The following TFCP2L1 variants were observed in gnomAD, a reference collection of about 807,000 sequenced individuals.
TFCP2L1 encodes transcription factor CP2-like protein 1.
A neutral mutation model predicts 72.2 loss-of-function variants in TFCP2L1; 12 were observed. The ratio of observed to expected loss-of-function variants is 0.17; its 90% CI spans 0.11 to 0.27. The LOEUF is 0.27. Ranked by LOEUF, TFCP2L1 falls within the 10% of genes least tolerant of loss-of-function variation. TFCP2L1 has a pLI of 1.00. For missense variants in TFCP2L1, 488 were observed against 624.6 expected (o/e 0.78, Z 2.33); for synonymous variants, 260 against 251.0 (o/e 1.04, Z -0.34).
At chr2:121,254,466 T>A (rs1686675122) in intron 2 of TFCP2L1, among the ~76,000 whole-genome samples, 1 of 152,170 alleles carries the variant, frequency 6.6e-6, no homozygotes, top group Admixed American at 6.5e-5. Context: ...AGGATTTCTG[T>A]AATTCAGGGG....
At chr2:121,252,641 C>T (rs1240931540) in intron 2 of TFCP2L1, among the ~76,000 whole-genome samples, 1 of 152,068 alleles carries the variant, frequency 6.6e-6, no homozygotes, top group African/African-American at 2.4e-5. Flanking sequence ...GACAGGGTCA[C>T]GAGTCAAGGA....
intron 1 of TFCP2L1, 27 bp from the exon 2 acceptor site, chr2:121,281,298 G>A (rs768887937): frequency 1.3e-6 from 2 of 1,568,696 alleles, no homozygotes; most frequent in African/African-American, 1.4e-5. Context: ...GCAGAGGTCA[G>A]GAGCAGAGCC....
At chr2:121,249,429 G>T in intron 3 of TFCP2L1, 142 bp downstream of exon 3, 1 of 717,566 alleles carries the variant, frequency 1.4e-6, no homozygotes, top group Non-Finnish European at 2.3e-6. Flanking sequence ...AACAGGGGCT[G>T]CGTCTCACCG....
intron 4 of TFCP2L1, 82 bp downstream of exon 4, chr2:121,248,900 G>C (rs1003853037): frequency 2.2e-5 from 25 of 1,147,036 alleles, no homozygotes; most frequent in Admixed American, 5.6e-5. Flanking sequence ...TCTCGGCATA[G>C]GTCCGGGTGG....
chr2:121,240,740 A>G, intron 7 of TFCP2L1: 1 of 985,422 alleles, frequency 1.0e-6, no homozygotes, highest in South Asian at 4.7e-5. Flanking sequence ...GGGCAGTGGC[A>G]CCAGCACAGG....
chr2:121,259,324 A>C (rs1055717164), intron 2 of TFCP2L1, among the ~76,000 whole-genome samples: 1 of 152,208 alleles, frequency 6.6e-6, no homozygotes, highest in Non-Finnish European at 1.5e-5. Context: ...CTAACTCTCA[A>C]AATATTCAGC....
At chr2:121,279,131 C>G (rs1687206118) in intron 2 of TFCP2L1, among the ~76,000 whole-genome samples, 1 of 152,124 alleles carries the variant, frequency 6.6e-6, no homozygotes, top group African/African-American at 2.4e-5. Flanking sequence ...GACCTCAGAC[C>G]TTGGACCCAC....
At chr2:121,225,490 G>T in intron 14 of TFCP2L1, 72 bp downstream of exon 14, 1 of 1,432,440 alleles carries the variant, frequency 7.0e-7, no homozygotes, top group Non-Finnish European at 9.8e-7. Context: ...CTCTGGAAGG[G>T]CCCATCCTGC....
rs118082206 is a variant in TFCP2L1 at position 121,280,547 on chromosome 2, C to T, written c.214+573G>A. 4.3e-3 allele frequency among the ~76,000 whole-genome samples: 652 copies of T among 152,190 alleles called. 10 individuals carry two copies. Among genetic ancestry groups the T allele is most frequent in the South Asian group, 0.035 (171 of 4,820 alleles). ...CGCAGGCAGGTGGATCACTTGAGCC[C>T]AGGAGTTTGAGACCAGCCTGGGCAA... On this transcript the variant is annotated intron_variant, in intron 2 of 14. Transcript: ENST00000263707.
In TFCP2L1 at chr2:121,285,079, A is replaced by G; in HGVS notation, c.31T>C (p.Tyr11His). The change falls in exon 1 of 15, where the codon TAC (tyrosine) becomes CAC (histidine). Residue 11 changes from tyrosine to histidine, a missense_variant. Physicochemically the swap from Tyr to His is moderately conservative, Grantham distance 83 (BLOSUM62 2). Around this residue, in one of 3 missense-constraint regions of TFCP2L1, gnomAD observed 73 missense variants for 59.7 expected, o/e 1.22. Coordinates refer to ENST00000263707, the MANE Select transcript of TFCP2L1 (RefSeq NM_014553.3). The part of the protein sequence containing the change: MLFWHTQPEH[Y>H]NQHNSGSYLR... ...TAGCTGCCGGAGTTGTGCTGGTTGT[A>G]GTGCTCGGGCTGCGTGTGCCAGAAG... 1 of 1,525,838 alleles carries G rather than the reference A, an allele frequency of 6.6e-7. No individual in the cohort carries two copies. Among genetic ancestry groups the G allele is most frequent in the East Asian group, 2.8e-5 (1 of 36,072 alleles). The allele number at this position is 1,525,838 out of a possible 1,614,324, so 94.5% of individuals were successfully genotyped here.
In TFCP2L1 at chr2:121,223,468, G is replaced by C. The variant is rs1247100520; in HGVS notation, c.*873C>G. 3 of 152,146 alleles carry C rather than the reference G, an allele frequency of 2.0e-5. No individual in the cohort carries two copies. The highest frequency in any genetic ancestry group is 7.2e-5 in the African/African-American group (3 of 41,410). The allele number at this position is 152,146 out of a possible 1,614,324, so 9.4% of individuals were successfully genotyped here. On this transcript the variant is annotated 3_prime_UTR_variant, in exon 15 of 15. Transcript: ENST00000263707. ...ACTTTCTATAAGTCCATCCAAGAGGGCCTGGTATTGTGGTGGTCAAGGTCA... is the reference window on the plus strand; with the variant it reads ...ACTTTCTATAAGTCCATCCAAGAGGCCCTGGTATTGTGGTGGTCAAGGTCA...
At chr2:121,227,785 T>C (rs952299763) in intron 13 of TFCP2L1, among the ~76,000 whole-genome samples, 14 of 150,896 alleles carry the variant, frequency 9.3e-5, no homozygotes, top group East Asian at 3.9e-4. Context: ...CCTTTTCAAA[T>C]TGAAAAAATG....
intron 2 of TFCP2L1, among the ~76,000 whole-genome samples, chr2:121,257,653 T>C (rs1183066522): frequency 1.3e-5 from 2 of 152,226 alleles, no homozygotes; most frequent in East Asian, 1.9e-4. Flanking sequence ...AAGGGCTGCA[T>C]AGCAAGTATC....
intron 2 of TFCP2L1, among the ~76,000 whole-genome samples, chr2:121,254,596 G>A (rs776330376): frequency 2.6e-5 from 4 of 152,156 alleles, no homozygotes; most frequent in Non-Finnish European, 5.9e-5. Context: ...TCAGGAGTTC[G>A]AGACCAGCAT....
chr2:121,244,745 T>C (rs1686446531), intron 6 of TFCP2L1, among the ~76,000 whole-genome samples: 1 of 152,164 alleles, frequency 6.6e-6, no homozygotes, highest in Non-Finnish European at 1.5e-5. Flanking sequence ...AGAACTAACA[T>C]GACATCCCTG....
intron 13 of TFCP2L1, among the ~76,000 whole-genome samples, chr2:121,226,995 G>A (rs565412941): frequency 2.6e-5 from 4 of 152,190 alleles, no homozygotes; most frequent in African/African-American, 9.7e-5. Flanking sequence ...TCAGTCAACA[G>A]CAGAAGCATG....
At chr2:121,258,159 A>C (rs971151304) in intron 2 of TFCP2L1, among the ~76,000 whole-genome samples, 7 of 152,230 alleles carry the variant, frequency 4.6e-5, no homozygotes, top group African/African-American at 1.7e-4. Context: ...CCACTGCCTG[A>C]TCACCTGTCA....
intron 1 of TFCP2L1, among the ~76,000 whole-genome samples, chr2:121,283,394 C>T (rs967553180): frequency 2.0e-5 from 3 of 152,186 alleles, no homozygotes; most frequent in Non-Finnish European, 2.9e-5. Flanking sequence ...CAAACCGCCA[C>T]CTTGGCCCTC....
At chr2:121,280,154 T>C (rs935097698) in intron 2 of TFCP2L1, among the ~76,000 whole-genome samples, 10 of 151,562 alleles carry the variant, frequency 6.6e-5, no homozygotes, top group African/African-American at 1.7e-4. Context: ...CTCCACAAAA[T>C]TATACTTCTT....
Sources: gnomAD v4.1 joint callset for allele counts (sites outside exome capture counted in the v4.1 genomes callset) on GRCh38, gnomAD v4.1.1 for gene constraint, gnomAD v4.1.1 regional missense constraint, MANE v1.5 for transcripts, NCBI Gene and HGNC (gene_info 2026-07-23, HGNC 2026-07-21) for gene names.